NSD2: variants seen among roughly 807,000 people sequenced by gnomAD.
The protein encoded by NSD2 is histone-lysine N-methyltransferase NSD2.
NSD2 carries 12 observed loss-of-function variants against 139.0 expected under a neutral mutation model. The observed-to-expected ratio is 0.09, with a 90% CI of 0.06 to 0.14. The LOEUF (loss-of-function observed/expected upper bound fraction) is 0.14. Among genes scored for constraint, NSD2 ranks in the 10% least tolerant of loss-of-function variants. The pLI, the probability that NSD2 is intolerant of heterozygous loss-of-function variation, is 1.00. For missense variants in NSD2, 1,155 were observed against 1,745.0 expected (o/e 0.66, Z 6.02); for synonymous variants, 669 against 648.7 (o/e 1.03, Z -0.48).
intron 18 of NSD2, among the ~76,000 whole-genome samples, chr4:1,970,986 A>G (rs1726409914): frequency 6.6e-6 from 1 of 152,242 alleles, no homozygotes; most frequent in Admixed American, 6.5e-5. Flanking sequence ...TTACTTTTTA[A>G]AGGACTTCCA....
Position 1,907,615 on chromosome 4 carries a change from C to CTTTTTTTTTTTTT in NSD2, c.760+3248_760+3260dup, listed in dbSNP as rs765535552. On this transcript the variant is annotated intron_variant, in intron 3 of 21. Coordinates refer to ENST00000508803, the MANE Select transcript of NSD2 (RefSeq NM_001042424.3). ...ACATCTTGTTCTACCTGTTGAATCT[C>CTTTTTTTTTTTTT]TTTTTTTTTTTTTTTTTTTTTTTGT... is the stretch of plus-strand genomic sequence containing the variant. Among the ~76,000 whole-genome samples, 7 of 93,654 alleles carry CTTTTTTTTTTTTT rather than the reference C, an allele frequency of 7.5e-5. 1 individual carries two copies. Among genetic ancestry groups the CTTTTTTTTTTTTT allele is most frequent in the Admixed American group, 1.4e-4 (1 of 7,242 alleles). 61.4% of individuals were successfully genotyped at this position (93,654 alleles called of 152,430 possible). A position where few individuals can be genotyped will look rare whatever the true frequency, so the allele number is the denominator to read the frequency against.
intron 11 of NSD2, 154 bp from the exon 12 acceptor site, chr4:1,953,170 C>T (rs1047876583): frequency 1.1e-5 from 17 of 1,555,024 alleles, no homozygotes; most frequent in South Asian, 4.7e-5. Flanking sequence ...CTGGAGAATG[C>T]TTGGACTAGT....
chr4:1,952,335 C>A (rs1228684950), intron 11 of NSD2, 104 bp downstream of exon 11: 3 of 1,514,978 alleles, frequency 2.0e-6, no homozygotes, highest in East Asian at 4.6e-5. Flanking sequence ...GACAAGCCCC[C>A]TCCCCACCCC....
chr4:1,978,608 T>G (rs761844216), intron 21 of NSD2, 30 bp from the exon 22 acceptor site: 2 of 1,578,912 alleles, frequency 1.3e-6, no homozygotes, highest in African/African-American at 1.3e-5. Context: ...CCATCACTTC[T>G]GTGTGCTCAC....
At chr4:1,965,294 G>GA (rs1725774145) in intron 18 of NSD2, among the ~76,000 whole-genome samples, 1 of 152,032 alleles carries the variant, frequency 6.6e-6, no homozygotes. Flanking sequence ...AACCTATAAA[G>GA]AGAAACAAAC....
At chr4:1,938,344 T>C in intron 7 of NSD2, 107 bp from the exon 8 acceptor site, 1 of 1,045,378 alleles carries the variant, frequency 9.6e-7, no homozygotes, top group Non-Finnish European at 1.3e-6. Context: ...GAGGAGATTT[T>C]TTTTCCTTTC....
intron 1 of NSD2, among the ~76,000 whole-genome samples, chr4:1,872,797 G>A (rs947402579): frequency 1.3e-5 from 2 of 152,118 alleles, no homozygotes; most frequent in African/African-American, 4.8e-5. Flanking sequence ...TCTATTTTGT[G>A]TATTTCAAAT....
chr4:1,947,177 C>T, intron 9 of NSD2: 1 of 1,064,736 alleles, frequency 9.4e-7, no homozygotes, highest in Non-Finnish European at 1.1e-6. Context: ...CCCCAGCACA[C>T]TCCCTGTGGG....
chr4:1,944,533 G>C (rs1723422501), intron 9 of NSD2: 2 of 1,065,448 alleles, frequency 1.9e-6, no homozygotes, highest in African/African-American at 1.6e-5. Flanking sequence ...TGCTTGGAGA[G>C]GGGAGGTGGC....
Position 1,973,741 on chromosome 4 carries a change from T to C in NSD2, c.3373-1122T>C, listed in dbSNP as rs1185709159. 2.6e-5 allele frequency among the ~76,000 whole-genome samples: 4 copies of C among 152,260 alleles called. No individual in the cohort carries two copies. The highest frequency in any genetic ancestry group is 5.9e-5 in the Non-Finnish European group (4 of 68,050). ...GCGTGTGAATAGTGACTCCGAAGCC[T>C]GCCGCTTCCTGGGACCATGTTTATC... On this transcript the variant is annotated intron_variant, in intron 18 of 21. Transcript: ENST00000508803. This position sits in a 1 kb window ranked among gnomAD's most constrained non-coding sequence, Gnocchi z 5.5.
At chr4:1,886,824 C>T (rs1482358451) in intron 1 of NSD2, among the ~76,000 whole-genome samples, 1 of 151,564 alleles carries the variant, frequency 6.6e-6, no homozygotes, top group Non-Finnish European at 1.5e-5. Flanking sequence ...TGGGACAGAG[C>T]GAGACTCCAT....
At chr4:1,977,030 G>C (rs892459368) in intron 21 of NSD2, among the ~76,000 whole-genome samples, 1 of 152,226 alleles carries the variant, frequency 6.6e-6, no homozygotes, top group African/African-American at 2.4e-5. Flanking sequence ...GCCCCTCCTA[G>C]GAGAAAGGCC....
At position 1,980,763 on chromosome 4, in the gene NSD2, G is replaced by A. The variant is rs915987160; in HGVS notation, c.*1854G>A. 6 of 233,138 alleles carry A rather than the reference G, an allele frequency of 2.6e-5. No individual in the cohort carries two copies. Among genetic ancestry groups the A allele is most frequent in the African/African-American group, 6.6e-5 (3 of 45,342 alleles). 14.4% of individuals were successfully genotyped at this position (233,138 alleles called of 1,614,324 possible). On this transcript the variant is annotated 3_prime_UTR_variant, in exon 22 of 22. Coordinates refer to ENST00000508803, the MANE Select transcript of NSD2 (RefSeq NM_001042424.3). ...TGTGTAGCCACTGACTTGCTCGCGC[G>A]GCCGTGGCCTCTGAGGGGCACTCGC... is the stretch of plus-strand genomic sequence containing the variant.
At position 1,882,536 on chromosome 4, in the gene NSD2, C is replaced by T. The variant is rs542107270; in HGVS notation, c.-30+10994C>T. On this transcript the variant is annotated intron_variant, in intron 1 of 21. Transcript: ENST00000508803. ...AAAATTATCTGGGCGTGGTGGCGGGCGCCTGTAGTCCCAGCTACTCGGGAG... is the reference window on the plus strand; with the variant it reads ...AAAATTATCTGGGCGTGGTGGCGGGTGCCTGTAGTCCCAGCTACTCGGGAG... Among the ~76,000 whole-genome samples, 444 of 152,180 alleles carry T rather than the reference C, an allele frequency of 2.9e-3. 1 individual carries two copies. Among genetic ancestry groups the T allele is most frequent in the African/African-American group, 4.6e-3 (191 of 41,510 alleles).
chr4:1,924,826 C>CCGAGG (rs1384545206), intron 5 of NSD2, among the ~76,000 whole-genome samples: 1 of 152,056 alleles, frequency 6.6e-6, no homozygotes, highest in East Asian at 1.9e-4. Context: ...ACTCAGGAAG[C>CCGAGG]TGAGGCAGGA....
Position 1,904,252 on chromosome 4 carries a change from A to G in NSD2, c.634A>G (p.Arg212Gly), listed in dbSNP as rs781497272. The G allele has an allele frequency of 7.4e-6, 12 of 1,614,036 alleles. No homozygotes were observed. The Admixed American group carries it at 1.3e-4, about 18-fold the overall frequency. ...GAAAGAGTCTTGTCCAAACACTGGAAGAGACAAAGACCACCTGTTGAAATA... is the reference window on the plus strand; with the variant it reads ...GAAAGAGTCTTGTCCAAACACTGGAGGAGACAAAGACCACCTGTTGAAATA... Reference protein sequence around the residue: ...AKKESCPNTGRDKDHLLKYNV... With the variant: ...AKKESCPNTGGDKDHLLKYNV... The change falls in exon 3 of 22, where the codon AGA becomes GGA. Residue 212 changes from arginine (R) to glycine (G), a missense_variant. By Grantham distance (125) the Arg-to-Gly change is moderately radical. Around this residue, in one of 8 missense-constraint regions of NSD2, gnomAD observed 246 missense variants for 262.8 expected, o/e 0.94. Transcript: ENST00000508803.
At chr4:1,878,097 G>A (rs1049676805) in intron 1 of NSD2, among the ~76,000 whole-genome samples, 47 of 150,718 alleles carry the variant, frequency 3.1e-4, no homozygotes, top group Admixed American at 7.3e-4. Context: ...GTCTAACTCT[G>A]TCACCCAGGC....
At chr4:1,890,445 C>T in intron 1 of NSD2, among the ~76,000 whole-genome samples, 1 of 150,678 alleles carries the variant, frequency 6.6e-6, no homozygotes, top group African/African-American at 2.5e-5. Context: ...ACTACAGGCG[C>T]CCGCCACCAT....
chr4:1,922,179 A>G (rs1306885147), intron 5 of NSD2, among the ~76,000 whole-genome samples: 4 of 152,218 alleles, frequency 2.6e-5, no homozygotes, highest in African/African-American at 7.2e-5. Context: ...ATAAAGGAAT[A>G]AATAAAGCTG....
Sources: gnomAD v4.1 joint callset for allele counts (sites outside exome capture counted in the v4.1 genomes callset) on GRCh38, gnomAD v4.1.1 for gene constraint, gnomAD v4.1.1 regional missense constraint, Gnocchi (gnomAD v3.1) non-coding constraint, MANE v1.5 for transcripts, NCBI Gene and HGNC (gene_info 2026-07-23, HGNC 2026-07-21) for gene names.